MED13L: variants seen among roughly 807,000 people sequenced by gnomAD.
MED13L encodes mediator of RNA polymerase II transcription subunit 13-like.
In MED13L, 7 loss-of-function variants were observed where a neutral mutation model predicts 220.9. The observed-to-expected ratio is 0.03, with a 90% CI of 0.02 to 0.06. The LOEUF (loss-of-function observed/expected upper bound fraction) is 0.06. MED13L is among the 10% of genes least tolerant of loss of function. MED13L has a pLI of 1.00. For missense variants in MED13L, 1,965 were observed against 2,760.5 expected, an observed-to-expected ratio of 0.71 and a Z score of 6.46; for synonymous variants, 1,011 against 1,015.2, an observed-to-expected ratio of 1.00 and a Z score of 0.08.
At chr12:116,127,996 C>A (rs1354067869) in intron 2 of MED13L, among the ~76,000 whole-genome samples, 3 of 152,182 alleles carry the variant, frequency 2.0e-5, no homozygotes, top group African/African-American at 7.2e-5. Context: ...CTCAAGACAT[C>A]TGACTTCCTT....
intron 4 of MED13L, among the ~76,000 whole-genome samples, chr12:116,030,837 T>C (rs562324145): frequency 2.6e-5 from 4 of 152,074 alleles, no homozygotes; most frequent in African/African-American, 9.6e-5. Flanking sequence ...ATAAAAGAAT[T>C]TGAAAACAGT....
chr12:116,238,719 T>C (rs1870329434), intron 1 of MED13L, among the ~76,000 whole-genome samples: 1 of 151,966 alleles, frequency 6.6e-6, no homozygotes, highest in South Asian at 2.1e-4. Context: ...TTGAAACATA[T>C]TAAAAGTGCT....
chr12:116,147,394 A>G (rs1464987763), intron 2 of MED13L, among the ~76,000 whole-genome samples: 1 of 152,236 alleles, frequency 6.6e-6, no homozygotes, highest in Non-Finnish European at 1.5e-5. Context: ...TTACAGAAAT[A>G]ACCAGACAGT....
intron 2 of MED13L, among the ~76,000 whole-genome samples, chr12:116,124,107 G>A (rs1194269044): frequency 7.1e-6 from 1 of 141,780 alleles, no homozygotes. Context: ...AACATCTGCA[G>A]AGAGAGAGAG....
intron 2 of MED13L, among the ~76,000 whole-genome samples, chr12:116,126,560 G>A (rs183027051): frequency 3.9e-5 from 6 of 152,144 alleles, no homozygotes; most frequent in African/African-American, 1.4e-4. Context: ...AACTTAGGAA[G>A]TTCTACAGAG....
At chr12:116,125,110 C>G (rs1487797665) in intron 2 of MED13L, among the ~76,000 whole-genome samples, 1 of 152,044 alleles carries the variant, frequency 6.6e-6, no homozygotes, top group Non-Finnish European at 1.5e-5. Flanking sequence ...GAAAAGAAAA[C>G]TAACCAATAA....
At chr12:116,009,996 T>C (rs550977461) in intron 9 of MED13L, among the ~76,000 whole-genome samples, 2 of 152,216 alleles carry the variant, frequency 1.3e-5, no homozygotes, top group South Asian at 2.1e-4. Context: ...TAGTAGTAAC[T>C]CTCTGAGGCC....
intron 14 of MED13L, among the ~76,000 whole-genome samples, chr12:116,000,395 C>T (rs1172026536): frequency 1.3e-5 from 2 of 152,224 alleles, no homozygotes; most frequent in African/African-American, 4.8e-5. Flanking sequence ...TGCTTACTCC[C>T]ATCCTGCCTA....
intron 4 of MED13L, among the ~76,000 whole-genome samples, chr12:116,096,377 A>C (rs1363204500): frequency 3.4e-5 from 5 of 148,128 alleles, no homozygotes; most frequent in Admixed American, 2.0e-4. Context: ...AAAAAAAAAA[A>C]AAAAGTCAAA....
chr12:116,159,306 T>C (rs1431617538), intron 2 of MED13L, among the ~76,000 whole-genome samples: 1 of 152,200 alleles, frequency 6.6e-6, no homozygotes, highest in East Asian at 1.9e-4. Context: ...TCACAAAAAC[T>C]GTTTCAATAG....
chr12:116,107,623 C>A (rs903472502), intron 3 of MED13L, among the ~76,000 whole-genome samples: 1 of 152,186 alleles, frequency 6.6e-6, no homozygotes, highest in Non-Finnish European at 1.5e-5. Flanking sequence ...GTGAGAGATT[C>A]TCAATGTAGT....
chr12:115,975,372 T>A, intron 24 of MED13L, 59 bp from the exon 25 acceptor site: 1 of 1,612,532 alleles, frequency 6.2e-7, no homozygotes, highest in Non-Finnish European at 8.5e-7. Flanking sequence ...GAGTTATTTA[T>A]CACTTATAAG....
chr12:115,963,623 G>C, intron 29 of MED13L, 104 bp from the exon 30 acceptor site: 1 of 835,266 alleles, frequency 1.2e-6, no homozygotes, highest in South Asian at 1.4e-5. Context: ...AAAGTCCGTA[G>C]AAGTCAGGGT....
At chr12:116,110,310 C>T (rs1873967781) in intron 3 of MED13L, 1 of 151,764 alleles carries the variant, frequency 6.6e-6, no homozygotes, top group African/African-American at 2.4e-5. Flanking sequence ...CAACTATAAT[C>T]CATTGAATAA....
At chr12:116,156,845 T>C (rs904683478) in intron 2 of MED13L, among the ~76,000 whole-genome samples, 41 of 152,316 alleles carry the variant, frequency 2.7e-4, no homozygotes, top group African/African-American at 9.4e-4. Flanking sequence ...TGCCTTTTTC[T>C]GTGATGTGGA....
At chr12:116,144,314 T>C (rs980602821) in intron 2 of MED13L, among the ~76,000 whole-genome samples, 4 of 152,086 alleles carry the variant, frequency 2.6e-5, no homozygotes, top group African/African-American at 9.7e-5. Flanking sequence ...TCCTCAAATT[T>C]CCCCCATCTC....
intron 2 of MED13L, among the ~76,000 whole-genome samples, chr12:116,128,835 C>T (rs1875823042): frequency 6.6e-6 from 1 of 152,034 alleles, no homozygotes; most frequent in African/African-American, 2.4e-5. Flanking sequence ...ATATGTGTTC[C>T]ATGTTCCATT....
intron 2 of MED13L, among the ~76,000 whole-genome samples, chr12:116,139,077 T>C (rs1239254611): frequency 6.6e-6 from 1 of 152,196 alleles, no homozygotes; most frequent in Non-Finnish European, 1.5e-5. Flanking sequence ...AAGAAGAGAC[T>C]GGACTGTAGA....
intron 3 of MED13L, among the ~76,000 whole-genome samples, chr12:116,104,027 T>TTTTTG (rs1873333304): frequency 1.7e-5 from 2 of 114,420 alleles, no homozygotes; most frequent in Non-Finnish European, 3.4e-5. Flanking sequence ...TTTTTTTTTT[T>TTTTTG]GAGACGGAGT....
Sources: allele counts gnomAD v4.1 joint callset (sites outside exome capture counted in the v4.1 genomes callset), GRCh38; gene constraint gnomAD v4.1.1; transcripts MANE v1.5; gene names NCBI Gene and HGNC (gene_info 2026-07-23, HGNC 2026-07-21).